UTRN: variants seen among roughly 807,000 people sequenced by gnomAD.
UTRN encodes the protein utrophin.
Under a neutral mutation model 463.9 loss-of-function variants are expected in UTRN, and 283 were observed. The ratio of observed to expected loss-of-function variants is 0.61; its 90% CI spans 0.55 to 0.67. UTRN has a LOEUF of 0.67. Among genes scored for constraint, UTRN ranks in the 30% least tolerant of loss-of-function variants. The probability of loss-of-function intolerance (pLI) is 0.00; values close to 1 mark genes in which losing one functional copy is unlikely to be tolerated. For synonymous variants in UTRN, 1,442 were observed against 1,431.5 expected (o/e 1.01, Z -0.17); for missense variants, 3,922 against 4,084.3 (o/e 0.96, Z 1.08).
At chr6:144,518,668 C>G (rs1385769714) in intron 39 of UTRN, among the ~76,000 whole-genome samples, 1 of 152,154 alleles carries the variant, frequency 6.6e-6, no homozygotes, top group African/African-American at 2.4e-5. Flanking sequence ...CAAGTTCAGG[C>G]AATATCTTTT....
At chr6:144,470,435 G>C (rs186848507) in intron 23 of UTRN, among the ~76,000 whole-genome samples, 13 of 151,850 alleles carry the variant, frequency 8.6e-5, no homozygotes, top group Admixed American at 5.3e-4. Flanking sequence ...ACGGGGTCGC[G>C]GCCGGGCAGA....
chr6:144,600,243 C>T (rs983889682), intron 51 of UTRN, among the ~76,000 whole-genome samples: 1 of 152,182 alleles, frequency 6.6e-6, no homozygotes, highest in Non-Finnish European at 1.5e-5. Context: ...AGAAGAATTG[C>T]ACAATGCTCA....
At chr6:144,424,490 G>T (rs1414281234) in intron 6 of UTRN, among the ~76,000 whole-genome samples, 1 of 151,862 alleles carries the variant, frequency 6.6e-6, no homozygotes, top group African/African-American at 2.4e-5. Flanking sequence ...CATCTGCAAT[G>T]ACCTTATTTC....
intron 46 of UTRN, among the ~76,000 whole-genome samples, 198 bp from the exon 47 acceptor site, chr6:144,548,442 G>C (rs779296676): frequency 1.3e-5 from 2 of 152,050 alleles, no homozygotes; most frequent in African/African-American, 2.4e-5. Context: ...AAACTGTTTT[G>C]TTGGCTTGAT....
At chr6:144,615,678 A>C (rs1806007917) in intron 51 of UTRN, among the ~76,000 whole-genome samples, 1 of 151,996 alleles carries the variant, frequency 6.6e-6, no homozygotes, top group African/African-American at 2.4e-5. Context: ...GTCTCTCTTC[A>C]TTTTCATGGT....
intron 51 of UTRN, among the ~76,000 whole-genome samples, chr6:144,585,690 A>G (rs562665426): frequency 2.7e-4 from 41 of 152,292 alleles, no homozygotes; most frequent in South Asian, 1.7e-3. Flanking sequence ...TTAATTATCA[A>G]TAGTCCATGT....
At chr6:144,298,218 A>G (rs60859726) in intron 2 of UTRN, among the ~76,000 whole-genome samples, 8,688 of 152,158 alleles carry the variant, frequency 0.057, 714 homozygotes, top group East Asian at 0.19. Flanking sequence ...ACTTATTTCA[A>G]TATTTGAAAT....
intron 66 of UTRN, among the ~76,000 whole-genome samples, chr6:144,826,357 A>G (rs909888984): frequency 2.6e-5 from 4 of 152,134 alleles, no homozygotes; most frequent in African/African-American, 9.7e-5. Context: ...TATGTATAAT[A>G]GAAATAGGAG....
In UTRN at chr6:144,772,028, T is replaced by G. The variant is rs867026625; in HGVS notation, c.8557+60T>G. ...CAACTGAGAACCGGTTTTTTTTTTT[T>G]TTTTTTTTTTTTTTTTTTTTTTTTT... On this transcript the variant is annotated intron_variant, in intron 59 of 74. Coordinates refer to ENST00000367545, the MANE Select transcript of UTRN (RefSeq NM_007124.3). 214 of 1,001,902 alleles carry G rather than the reference T, an allele frequency of 2.1e-4. 1 individual carries two copies. In the African/African-American group the frequency reaches 3.8e-3, roughly 18 times the overall value. The allele number at this position is 1,001,902 out of a possible 1,614,324, so 62.1% of individuals were successfully genotyped here. A position where few individuals can be genotyped will look rare whatever the true frequency, so the allele number is the denominator to read the frequency against.
intron 52 of UTRN, among the ~76,000 whole-genome samples, chr6:144,690,498 T>C (rs1297389887): frequency 1.3e-5 from 2 of 152,100 alleles, no homozygotes; most frequent in Non-Finnish European, 2.9e-5. Context: ...TGCAGGGCTT[T>C]CAGGCCATGC....
At chr6:144,446,726 A>G (rs1029016946) in intron 14 of UTRN, among the ~76,000 whole-genome samples, 7 of 152,220 alleles carry the variant, frequency 4.6e-5, no homozygotes, top group Admixed American at 3.3e-4. Flanking sequence ...GATTTCCTAC[A>G]TGATGCCATG....
At chr6:144,737,259 G>A (rs960606470) in intron 54 of UTRN, among the ~76,000 whole-genome samples, 1 of 152,156 alleles carries the variant, frequency 6.6e-6, no homozygotes, top group Non-Finnish European at 1.5e-5. Flanking sequence ...GTAGACACTG[G>A]TGCGACTGTA....
At chr6:144,304,868 A>G (rs1421746024) in intron 2 of UTRN, among the ~76,000 whole-genome samples, 1 of 152,030 alleles carries the variant, frequency 6.6e-6, no homozygotes, top group Non-Finnish European at 1.5e-5. Flanking sequence ...AAAAAAATGT[A>G]CAGGAAATGA....
chr6:144,795,535 T>A (rs1050045079), intron 63 of UTRN, among the ~76,000 whole-genome samples: 1 of 152,180 alleles, frequency 6.6e-6, no homozygotes, highest in Non-Finnish European at 1.5e-5. Context: ...CAGCATCTGG[T>A]GTTTCCTGAC....
chr6:144,417,062 T>A (rs1784418370), intron 3 of UTRN, among the ~76,000 whole-genome samples: 1 of 152,122 alleles, frequency 6.6e-6, no homozygotes, highest in Non-Finnish European at 1.5e-5. Context: ...ACAGAGTGGA[T>A]CCCAAGTTTA....
At chr6:144,358,711 T>A (rs1395974297) in intron 2 of UTRN, among the ~76,000 whole-genome samples, 2 of 152,206 alleles carry the variant, frequency 1.3e-5, no homozygotes, top group African/African-American at 2.4e-5. Flanking sequence ...GCTCAAGTGA[T>A]CCTCCCACTT....
At chr6:144,784,648 T>C (rs985615493) in intron 61 of UTRN, among the ~76,000 whole-genome samples, 1 of 152,220 alleles carries the variant, frequency 6.6e-6, no homozygotes, top group African/African-American at 2.4e-5. Flanking sequence ...CTCTTTTCAC[T>C]GGACAGCCCA....
At chr6:144,494,205 T>G (rs1793353801) in intron 33 of UTRN, among the ~76,000 whole-genome samples, 2 of 152,256 alleles carry the variant, frequency 1.3e-5, no homozygotes, top group Admixed American at 1.3e-4. Flanking sequence ...TTACAGCTCT[T>G]AAGGTGGCGC....
intron 2 of UTRN, among the ~76,000 whole-genome samples, chr6:144,328,616 T>C (rs1776128529): frequency 6.6e-6 from 1 of 152,216 alleles, no homozygotes; most frequent in East Asian, 1.9e-4. Context: ...TATTATTTCC[T>C]TTTACAATGA....
Sources: gnomAD v4.1 joint callset for allele counts (sites outside exome capture counted in the v4.1 genomes callset) on GRCh38, gnomAD v4.1.1 for gene constraint, MANE v1.5 for transcripts, NCBI Gene and HGNC (gene_info 2026-07-23, HGNC 2026-07-21) for gene names.